The following DNAH5 variants were observed in gnomAD, a reference collection of about 807,000 sequenced individuals.
The protein encoded by DNAH5 is axonemal beta dynein heavy chain 5.
DNAH5 carries 372 observed loss-of-function variants against 518.2 expected under a neutral mutation model. The ratio of observed to expected loss-of-function variants is 0.72; its 90% CI spans 0.66 to 0.78. The LOEUF is 0.78. DNAH5 is among the 30% of genes least tolerant of loss of function. The pLI is 0.00. For synonymous variants in DNAH5, 2,039 were observed against 2,025.9 expected (o/e 1.01, Z -0.17); for missense variants, 5,523 against 5,687.0 (o/e 0.97, Z 0.93).
chr5:13,732,129 A>G (rs1323788934), intron 68 of DNAH5, among the ~76,000 whole-genome samples: 2 of 152,092 alleles, frequency 1.3e-5, no homozygotes, highest in Non-Finnish European at 2.9e-5. Flanking sequence ...TCAAAAAAAA[A>G]AAAAAAAAAT....
At chr5:13,926,782 C>T (rs746350229) in intron 3 of DNAH5, among the ~76,000 whole-genome samples, 12 of 152,190 alleles carry the variant, frequency 7.9e-5, no homozygotes, top group African/African-American at 2.7e-4. Context: ...GTAAAATTTA[C>T]GCAGAAGGCC....
chr5:13,797,754 C>T (rs541791275), intron 47 of DNAH5, among the ~76,000 whole-genome samples: 5 of 152,190 alleles, frequency 3.3e-5, no homozygotes, highest in East Asian at 3.9e-4. Context: ...CACATGCACA[C>T]GTATGTTTAC....
At chr5:13,702,948 G>T (rs963622867) in intron 76 of DNAH5, among the ~76,000 whole-genome samples, 6 of 151,944 alleles carry the variant, frequency 3.9e-5, no homozygotes, top group Non-Finnish European at 8.8e-5. Flanking sequence ...CCTCACGTCT[G>T]TAGGCTGCCC....
intron 70 of DNAH5, 118 bp from the exon 71 acceptor site, chr5:13,721,363 G>A: frequency 8.1e-7 from 1 of 1,237,710 alleles, no homozygotes; most frequent in Non-Finnish European, 1.2e-6. Context: ...CAGTAACCCT[G>A]TCAGGCAAAC....
chr5:13,923,178 A>G, intron 4 of DNAH5, 102 bp downstream of exon 4: 1 of 1,453,218 alleles, frequency 6.9e-7, no homozygotes, highest in Non-Finnish European at 9.7e-7. Context: ...GTAGTTTTAG[A>G]TACTGTAGTG....
intron 1 of DNAH5, among the ~76,000 whole-genome samples, chr5:13,936,794 C>T (rs1778963992): frequency 1.3e-5 from 2 of 152,144 alleles, no homozygotes; most frequent in African/African-American, 4.8e-5. Flanking sequence ...TGAAGCTCTG[C>T]CTTGTTGACA....
At chr5:13,795,818 T>C (rs1278489070) in intron 47 of DNAH5, among the ~76,000 whole-genome samples, 4 of 152,174 alleles carry the variant, frequency 2.6e-5, no homozygotes, top group African/African-American at 7.2e-5. Flanking sequence ...ACTGGCAAAC[T>C]GAATCCAGCA....
chr5:13,921,461 G>GCTCT (rs1777260267), intron 5 of DNAH5, among the ~76,000 whole-genome samples: 3 of 55,108 alleles, frequency 5.4e-5, no homozygotes, highest in South Asian at 1.4e-3. Context: ...TCTCTCTCTT[G>GCTCT]CTCTATCTCT....
intron 70 of DNAH5, among the ~76,000 whole-genome samples, chr5:13,725,428 C>A (rs1012737452): frequency 4.6e-5 from 7 of 152,172 alleles, no homozygotes; most frequent in Non-Finnish European, 8.8e-5. Context: ...CCCATAATAA[C>A]TGATGTAAGA....
chr5:13,699,441 T>A (rs140248296), intron 78 of DNAH5, among the ~76,000 whole-genome samples: 1 of 152,268 alleles, frequency 6.6e-6, no homozygotes, highest in Non-Finnish European at 1.5e-5. Flanking sequence ...GGGCCGGGCA[T>A]GGTGGCTCAC....
Position 13,866,276 on chromosome 5 carries a change from G to A in DNAH5, c.4060C>T (p.Pro1354Ser). Residue 1354 changes from proline to serine, a missense_variant, in exon 26 of 79, where the codon CCA becomes TCA. By Grantham distance (74) the Pro-to-Ser change is moderately conservative. Coordinates refer to ENST00000265104, the MANE Select transcript of DNAH5 (RefSeq NM_001369.3). The part of the protein sequence containing the change: ...QFYLDYDLNG[P>S]MASGLKPQEA... The stretch of plus-strand genomic sequence containing the variant: ...TGGGGCTTCAAGCCGCTAGCCATTG[G>A]ACCATTCTGAACAAAAAGTAAAAAA... 1 of 1,613,258 alleles carries A rather than the reference G, an allele frequency of 6.2e-7. No individual in the cohort carries two copies. Among genetic ancestry groups the A allele is most frequent in the Non-Finnish European group, 8.5e-7 (1 of 1,179,666 alleles).
intron 1 of DNAH5, among the ~76,000 whole-genome samples, chr5:14,005,329 A>T (rs1390023969): frequency 1.1e-4 from 16 of 152,222 alleles, no homozygotes; most frequent in Non-Finnish European, 2.1e-4. Flanking sequence ...AGAACTTAAC[A>T]TAATCATTGA....
chr5:13,754,161 C>T, intron 62 of DNAH5, 42 bp downstream of exon 62: 1 of 1,612,552 alleles, frequency 6.2e-7, no homozygotes, highest in Non-Finnish European at 8.5e-7. Flanking sequence ...AATTCCCTAT[C>T]ACAGTCAACA....
intron 16 of DNAH5, 24 bp from the exon 17 acceptor site, chr5:13,891,145 T>C (rs752652651): frequency 6.2e-7 from 1 of 1,612,898 alleles, no homozygotes; most frequent in African/African-American, 1.3e-5. Context: ...TAAAAGTAAA[T>C]AAAAGAGATT....
intron 72 of DNAH5, 60 bp from the exon 73 acceptor site, chr5:13,717,580 C>T: frequency 7.5e-7 from 1 of 1,324,594 alleles, no homozygotes; most frequent in South Asian, 1.2e-5. Context: ...TTTTCTACTA[C>T]TTTTATAAGT....
chr5:13,721,485 T>C (rs920189214), intron 70 of DNAH5, among the ~76,000 whole-genome samples: 3 of 152,176 alleles, frequency 2.0e-5, no homozygotes, highest in Non-Finnish European at 4.4e-5. Flanking sequence ...CAAAGTTGTA[T>C]GACTCCTGGT....
chr5:13,864,656 A>G lies in DNAH5; in HGVS notation c.4356-19T>C, dbSNP rs759062728. 1 of 1,613,938 alleles carries G rather than the reference A, an allele frequency of 6.2e-7. No individual in the cohort carries two copies. Among genetic ancestry groups the G allele is most frequent in the Admixed American group, 1.7e-5 (1 of 59,990 alleles). On this transcript the variant is annotated intron_variant, in intron 27 of 78. Coordinates refer to ENST00000265104, the MANE Select transcript of DNAH5 (RefSeq NM_001369.3). Reference sequence around the variant, plus strand: ...TCGACATCTGTGAAGGGACACCAACATGAAAGGCCATTGAAATATGATGGT... The same window carrying G: ...TCGACATCTGTGAAGGGACACCAACGTGAAAGGCCATTGAAATATGATGGT...
At chr5:13,833,691 A>C (rs1051635173) in intron 35 of DNAH5, among the ~76,000 whole-genome samples, 1 of 152,150 alleles carries the variant, frequency 6.6e-6, no homozygotes, top group African/African-American at 2.4e-5. Flanking sequence ...TGGGAATGTC[A>C]GAGAAAGGTA....
Position 13,735,207 on chromosome 5 carries a change from G to C in DNAH5, c.11685C>G (p.Phe3895Leu), listed in dbSNP as rs149892711. 108 of 1,613,988 alleles carry C rather than the reference G, an allele frequency of 6.7e-5. No homozygotes were observed. Among genetic ancestry groups the C allele is most frequent in the Non-Finnish European group, 9.2e-5 (108 of 1,179,996 alleles). The change falls in exon 68 of 79, where the codon TTC becomes TTG. Residue 3895 changes from phenylalanine to leucine, a missense_variant. Around this residue, in one of 3 missense-constraint regions of DNAH5, gnomAD observed 5,121 missense variants for 5,223.3 expected, o/e 0.98. Transcript: ENST00000265104. Reference sequence around the variant, plus strand: ...CAATCTTTAGGGTAAGCAACAAGGTGAACAGGAATTTGTGCTCCTCGTACA... The same window carrying C: ...CAATCTTTAGGGTAAGCAACAAGGTCAACAGGAATTTGTGCTCCTCGTACA... ...RGLYEEHKFL[F>L]TLLLTLKIDI...
Sources: gnomAD v4.1 joint callset for allele counts (sites outside exome capture counted in the v4.1 genomes callset) on GRCh38, gnomAD v4.1.1 for gene constraint, gnomAD v4.1.1 regional missense constraint, MANE v1.5 for transcripts, NCBI Gene and HGNC (gene_info 2026-07-23, HGNC 2026-07-21) for gene names.